Variants in CDC5L observed in about 807,000 individuals in gnomAD.
CDC5L encodes the protein cell division cycle 5-like protein.
CDC5L carries 18 observed loss-of-function variants against 104.1 expected under a neutral mutation model. The ratio of observed to expected loss-of-function variants is 0.17; its 90% CI spans 0.12 to 0.26. CDC5L has a LOEUF of 0.26. Among genes scored for constraint, CDC5L ranks in the 10% least tolerant of loss-of-function variants. The pLI, the probability that CDC5L is intolerant of heterozygous loss-of-function variation, is 1.00. For synonymous variants in CDC5L, 331 were observed against 322.7 expected, an observed-to-expected ratio of 1.03 and a Z score of -0.28; for missense variants, 673 against 956.9, an observed-to-expected ratio of 0.70 and a Z score of 3.91.
At chr6:44,443,280 C>A (rs1793296347) in intron 14 of CDC5L, among the ~76,000 whole-genome samples, 1 of 151,052 alleles carries the variant, frequency 6.6e-6, no homozygotes, top group African/African-American at 2.4e-5. Context: ...TTGCAGTTTT[C>A]AATACTCTGC....
chr6:44,439,790 A>G (rs930338914), intron 14 of CDC5L, among the ~76,000 whole-genome samples: 3 of 152,160 alleles, frequency 2.0e-5, no homozygotes, highest in African/African-American at 7.2e-5. Context: ...TATGTCTATG[A>G]TCTTATTTAA....
intron 14 of CDC5L, among the ~76,000 whole-genome samples, chr6:44,440,541 C>G (rs1351862910): frequency 6.6e-6 from 1 of 151,952 alleles, no homozygotes; most frequent in African/African-American, 2.4e-5. Flanking sequence ...CTGCACCTGG[C>G]CATATTTTTA....
chr6:44,447,377 A>G lies in CDC5L; in HGVS notation c.*666A>G, dbSNP rs759942368. The G allele has an allele frequency of 2.6e-5, 4 of 152,138 alleles. No homozygotes were observed. Among genetic ancestry groups the G allele is most frequent in the Non-Finnish European group, 5.9e-5 (4 of 68,024 alleles). 9.4% of individuals were successfully genotyped at this position (152,138 alleles called of 1,614,324 possible). A position where few individuals can be genotyped will look rare whatever the true frequency, so the allele number is the denominator to read the frequency against. On this transcript the variant is annotated 3_prime_UTR_variant, in exon 16 of 16. Coordinates refer to ENST00000371477, the MANE Select transcript of CDC5L (RefSeq NM_001253.4). ...AACTTCCTTGCCCCATTATTTTCTT[A>G]TAAGTATTTTTTGACAAAGGCATTT...
chr6:44,417,268 G>C (rs900503205), intron 8 of CDC5L, among the ~76,000 whole-genome samples: 2 of 152,154 alleles, frequency 1.3e-5, no homozygotes, highest in African/African-American at 4.8e-5. Flanking sequence ...CCTCAGCTGG[G>C]AATGTGGAGT....
chr6:44,437,226 C>T (rs1792979441), intron 14 of CDC5L, among the ~76,000 whole-genome samples: 1 of 152,138 alleles, frequency 6.6e-6, no homozygotes, highest in Non-Finnish European at 1.5e-5. Flanking sequence ...ATGTACATTT[C>T]ATGCTTGAGG....
chr6:44,388,176 A>G lies in CDC5L; in HGVS notation c.45+308A>G, dbSNP rs11571900. ...CCCCCCGCCCCCCCCGGCCCCGGGAAGAACTCAGAGTTCCAACTCAGCCAG... is the reference window on the plus strand; with the variant it reads ...CCCCCCGCCCCCCCCGGCCCCGGGAGGAACTCAGAGTTCCAACTCAGCCAG... On this transcript the variant is annotated intron_variant, in intron 1 of 15. Transcript: ENST00000371477. 6.8e-3 allele frequency among the ~76,000 whole-genome samples: 404 copies of G among 59,812 alleles called. 6 individuals are homozygous for G. Among genetic ancestry groups the G allele is most frequent in the African/African-American group, 0.025 (390 of 15,636 alleles). 39.2% of individuals were successfully genotyped at this position (59,812 alleles called of 152,430 possible).
intron 8 of CDC5L, among the ~76,000 whole-genome samples, chr6:44,414,305 T>C (rs1003797863): frequency 6.6e-6 from 1 of 151,826 alleles, no homozygotes; most frequent in African/African-American, 2.4e-5. Context: ...CTTGAAGACC[T>C]GGGTTCAAGC....
At chr6:44,416,055 G>T (rs1357864077) in intron 8 of CDC5L, among the ~76,000 whole-genome samples, 1 of 152,168 alleles carries the variant, frequency 6.6e-6, no homozygotes, top group Non-Finnish European at 1.5e-5. Flanking sequence ...GGCTGCTGTT[G>T]TGTGTAGCTA....
At chr6:44,412,175 C>T (rs77719978) in intron 8 of CDC5L, among the ~76,000 whole-genome samples, 4,588 of 152,260 alleles carry the variant, frequency 0.03, 137 homozygotes, top group African/African-American at 0.073. Flanking sequence ...TAGTATTGCT[C>T]GTGCATGTGC....
intron 1 of CDC5L, among the ~76,000 whole-genome samples, chr6:44,389,253 G>A: frequency 6.6e-6 from 1 of 152,186 alleles, no homozygotes; most frequent in East Asian, 1.9e-4. Flanking sequence ...CTTCCACCGA[G>A]GGAACCAGAC....
At chr6:44,411,005 ATT>A (rs951748321) in intron 8 of CDC5L, among the ~76,000 whole-genome samples, 2 of 139,782 alleles carry the variant, frequency 1.4e-5, no homozygotes, top group Admixed American at 7.1e-5. Context: ...TTTGTTCAGT[ATT>A]TTTTTTTTTT....
Position 44,441,932 on chromosome 6 carries a change from C to CTTTTTTTTTT in CDC5L, c.2092-3709_2092-3700dup, listed in dbSNP as rs145016358. Among the ~76,000 whole-genome samples the CTTTTTTTTTT allele has an allele frequency of 2.0e-4, 19 of 92,868 alleles. 2 individuals are homozygous for CTTTTTTTTTT. The highest frequency in any genetic ancestry group is 6.2e-4 in the African/African-American group (14 of 22,628). 60.9% of individuals were successfully genotyped at this position (92,868 alleles called of 152,430 possible). ...TCCCAGCACTTTGTAAGGTCTTGTT[C>CTTTTTTTTTT]TTTTTTTTTTTTTTTTTTTTTTTGA... On this transcript the variant is annotated intron_variant, in intron 14 of 15. Transcript: ENST00000371477.
chr6:44,402,934 C>G (rs1791196888), intron 5 of CDC5L, among the ~76,000 whole-genome samples: 1 of 152,166 alleles, frequency 6.6e-6, no homozygotes, highest in African/African-American at 2.4e-5. Flanking sequence ...ATCCAGCTAT[C>G]TACTATCATA....
chr6:44,449,315 AG>A lies in CDC5L; in HGVS notation c.*2606del, dbSNP rs1292913381. 2 of 152,202 alleles carry A rather than the reference AG, an allele frequency of 1.3e-5. No homozygotes were observed. The highest frequency in any genetic ancestry group is 2.9e-5 in the Non-Finnish European group (2 of 68,036). 9.4% of individuals were successfully genotyped at this position (152,202 alleles called of 1,614,324 possible). On this transcript the variant is annotated 3_prime_UTR_variant, in exon 16 of 16. Transcript: ENST00000371477. ...CCTTTGTCAGTATCCTGTAAAGCCC[AG>A]GATTCTTTACCAGCACCATACAGCG...
chr6:44,411,587 T>A (rs1424391569), intron 8 of CDC5L, among the ~76,000 whole-genome samples: 2 of 149,434 alleles, frequency 1.3e-5, no homozygotes, highest in Non-Finnish European at 3.0e-5. Flanking sequence ...CCCCTCTGTT[T>A]TTTGTAAATC....
At chr6:44,436,105 A>G (rs1792925419) in intron 14 of CDC5L, among the ~76,000 whole-genome samples, 1 of 152,122 alleles carries the variant, frequency 6.6e-6, no homozygotes, top group Non-Finnish European at 1.5e-5. Context: ...TGATGGAAGC[A>G]TGAGTTTGAG....
rs1793556671 is a variant in CDC5L, at chr6:44,449,085, T to C, written c.*2374T>C. On this transcript the variant is annotated 3_prime_UTR_variant, in exon 16 of 16. Coordinates refer to ENST00000371477, the MANE Select transcript of CDC5L (RefSeq NM_001253.4). Reference sequence around the variant, plus strand: ...AGGATTTATAGTTTATTTGCACTTTTTGTAGACTTGAATTATATGGATTTA... The same window carrying C: ...AGGATTTATAGTTTATTTGCACTTTCTGTAGACTTGAATTATATGGATTTA... 1 of 152,260 alleles carries C rather than the reference T, an allele frequency of 6.6e-6. No individual in the cohort carries two copies. The highest frequency in any genetic ancestry group is 2.1e-4 in the South Asian group (1 of 4,836). The allele number at this position is 152,260 out of a possible 1,614,324, so 9.4% of individuals were successfully genotyped here.
At chr6:44,406,011 C>T (rs962573411) in intron 6 of CDC5L, among the ~76,000 whole-genome samples, 7 of 152,032 alleles carry the variant, frequency 4.6e-5, no homozygotes, top group African/African-American at 1.7e-4. Context: ...TAATGATTCT[C>T]CTGCCTCAGC....
chr6:44,415,385 G>A (rs1791862808), intron 8 of CDC5L, among the ~76,000 whole-genome samples: 1 of 152,136 alleles, frequency 6.6e-6, no homozygotes, highest in Non-Finnish European at 1.5e-5. Flanking sequence ...TATATTTGTT[G>A]GAATTGGGTT....
Sources: allele counts gnomAD v4.1 joint callset (sites outside exome capture counted in the v4.1 genomes callset), GRCh38; gene constraint gnomAD v4.1.1; transcripts MANE v1.5; gene names NCBI Gene and HGNC (gene_info 2026-07-23, HGNC 2026-07-21).